Variants in LHFPL3 observed in about 807,000 individuals in gnomAD.
LHFPL3 encodes LHFPL tetraspan subfamily member 3 protein.
Under a neutral mutation model 19.3 loss-of-function variants are expected in LHFPL3, and 5 were observed. The ratio of observed to expected loss-of-function variants is 0.26; its 90% CI spans 0.14 to 0.54. The LOEUF is 0.54. LHFPL3 is among the 20% of genes least tolerant of loss of function. LHFPL3 has a pLI of 0.94. For missense variants in LHFPL3, 249 were observed against 307.4 expected, an observed-to-expected ratio of 0.81 and a Z score of 1.42; for synonymous variants, 133 against 126.2, an observed-to-expected ratio of 1.05 and a Z score of -0.36.
At chr7:104,403,787 G>C (rs547385982) in intron 1 of LHFPL3, among the ~76,000 whole-genome samples, 14 of 150,698 alleles carry the variant, frequency 9.3e-5, no homozygotes, top group African/African-American at 3.5e-4. Context: ...TCTAATGGAG[G>C]TGTCATTCCT....
At chr7:104,838,463 A>C (rs889904502) in intron 2 of LHFPL3, among the ~76,000 whole-genome samples, 1 of 152,236 alleles carries the variant, frequency 6.6e-6, no homozygotes, top group Admixed American at 6.5e-5. Flanking sequence ...TATGTGGCTG[A>C]CTTGAGTATA....
intron 2 of LHFPL3, among the ~76,000 whole-genome samples, chr7:104,763,733 G>T (rs1438993474): frequency 6.6e-6 from 1 of 152,182 alleles, no homozygotes; most frequent in African/African-American, 2.4e-5. Context: ...CCAGCTTCCT[G>T]GAAAGGGCAG....
At chr7:104,881,908 GC>G (rs1332697706) in intron 2 of LHFPL3, among the ~76,000 whole-genome samples, 1 of 152,104 alleles carries the variant, frequency 6.6e-6, no homozygotes, top group African/African-American at 2.4e-5. Context: ...ATGTTTACCA[GC>G]AAAAATTCGT....
At chr7:104,593,345 G>C (rs1183451000) in intron 1 of LHFPL3, among the ~76,000 whole-genome samples, 1 of 152,090 alleles carries the variant, frequency 6.6e-6, no homozygotes, top group Non-Finnish European at 1.5e-5. Flanking sequence ...GTAGTTGAGT[G>C]GTTTTGAGTG....
intron 2 of LHFPL3, among the ~76,000 whole-genome samples, chr7:104,796,153 C>T (rs1256383371): frequency 6.6e-6 from 1 of 152,170 alleles, no homozygotes. Flanking sequence ...CAAGTTAGGG[C>T]TCGAGGAAGC....
chr7:104,464,970 A>G (rs1050536459), intron 1 of LHFPL3, among the ~76,000 whole-genome samples: 1 of 152,132 alleles, frequency 6.6e-6, no homozygotes, highest in African/African-American at 2.4e-5. Flanking sequence ...AATTCTCTAA[A>G]TTTTTATGCT....
chr7:104,904,123 A>C (rs1253957589), intron 2 of LHFPL3, among the ~76,000 whole-genome samples: 5 of 152,218 alleles, frequency 3.3e-5, no homozygotes, highest in Non-Finnish European at 7.3e-5. Flanking sequence ...TAGACTAATC[A>C]TCATTATGAC....
intron 1 of LHFPL3, among the ~76,000 whole-genome samples, chr7:104,695,300 G>A (rs1792978302): frequency 6.6e-6 from 1 of 152,072 alleles, no homozygotes; most frequent in Non-Finnish European, 1.5e-5. Context: ...GAGTAAATGA[G>A]TTAACTACAT....
At chr7:104,343,494 C>CA (rs1789997918) in intron 1 of LHFPL3, among the ~76,000 whole-genome samples, 1 of 104,930 alleles carries the variant, frequency 9.5e-6, no homozygotes, top group Non-Finnish European at 1.8e-5. Flanking sequence ...GCCTGGGCAA[C>CA]AGAGTGAGAC....
chr7:104,556,036 C>T (rs902305374), intron 1 of LHFPL3, among the ~76,000 whole-genome samples: 6 of 152,226 alleles, frequency 3.9e-5, no homozygotes, highest in Non-Finnish European at 8.8e-5. Context: ...GGTGGGCTCC[C>T]ATGGCCTTAG....
intron 2 of LHFPL3, among the ~76,000 whole-genome samples, chr7:104,750,717 T>C (rs907374927): frequency 8.5e-5 from 13 of 152,296 alleles, no homozygotes; most frequent in Admixed American, 1.3e-4. Context: ...ACAATTGTTG[T>C]ATTGTGGTAA....
chr7:104,667,788 A>G, intron 1 of LHFPL3: 1 of 1,600,228 alleles, frequency 6.2e-7, no homozygotes, highest in Non-Finnish European at 8.5e-7. Context: ...GAAGGGGAAG[A>G]CTATCTCCCT....
At chr7:104,521,171 G>T (rs959016994) in intron 1 of LHFPL3, among the ~76,000 whole-genome samples, 1 of 152,176 alleles carries the variant, frequency 6.6e-6, no homozygotes, top group African/African-American at 2.4e-5. Flanking sequence ...TGGTTTCAAA[G>T]AACATCTTTA....
chr7:104,800,808 C>G (rs1790230601), intron 2 of LHFPL3, among the ~76,000 whole-genome samples: 1 of 152,166 alleles, frequency 6.6e-6, no homozygotes, highest in Non-Finnish European at 1.5e-5. Context: ...TTCCTACACA[C>G]ACCCTCAACT....
At chr7:104,511,450 C>T (rs915353582) in intron 1 of LHFPL3, among the ~76,000 whole-genome samples, 4 of 152,170 alleles carry the variant, frequency 2.6e-5, no homozygotes, top group African/African-American at 7.2e-5. Flanking sequence ...TAGGATCCAG[C>T]ACTTGCACTC....
intron 1 of LHFPL3, among the ~76,000 whole-genome samples, chr7:104,360,401 G>A (rs2116407936): frequency 6.6e-6 from 1 of 152,290 alleles, no homozygotes; most frequent in Admixed American, 6.5e-5. Flanking sequence ...CATAAAGTAA[G>A]ATCTTAATGA....
intron 2 of LHFPL3, among the ~76,000 whole-genome samples, chr7:104,835,583 CTTT>C (rs71155528): frequency 2.1e-5 from 3 of 143,794 alleles, no homozygotes; most frequent in East Asian, 4.0e-4. Context: ...ACTTTGTTTT[CTTT>C]TTTTTTTTTT....
intron 1 of LHFPL3, among the ~76,000 whole-genome samples, chr7:104,339,501 T>A (rs1789905390): frequency 1.3e-5 from 2 of 152,176 alleles, no homozygotes; most frequent in Non-Finnish European, 2.9e-5. Flanking sequence ...TGAGAGAGAT[T>A]CAGAGTCTTG....
chr7:104,677,851 A>C (rs922745338), intron 1 of LHFPL3, among the ~76,000 whole-genome samples: 1 of 152,238 alleles, frequency 6.6e-6, no homozygotes, highest in Non-Finnish European at 1.5e-5. Context: ...GAAATTTAAT[A>C]AACACTGTTC....
Sources: gnomAD v4.1 joint callset for allele counts (sites outside exome capture counted in the v4.1 genomes callset) on GRCh38, gnomAD v4.1.1 for gene constraint, MANE v1.5 for transcripts, NCBI Gene and HGNC (gene_info 2026-07-23, HGNC 2026-07-21) for gene names.